Variants in OPRM1 observed in about 807,000 individuals in gnomAD.
OPRM1 encodes the protein opioid receptor mu 1, also known as mu-type opioid receptor.
In OPRM1, 27 loss-of-function variants were observed where a neutral mutation model predicts 31.8. The observed-to-expected ratio is 0.85, with a 90% confidence interval of 0.63 to 1.17. OPRM1 has a LOEUF of 1.17. Among genes scored for constraint, OPRM1 ranks in the 50% most tolerant of loss-of-function variants. OPRM1 has a pLI of 0.00. For missense variants in OPRM1, 536 were observed against 511.1 expected (o/e 1.05, Z -0.47); for synonymous variants, 196 against 189.9 (o/e 1.03, Z -0.26).
Position 154,168,075 on chromosome 6 carries a change from G to A in OPRM1, c.1164+76603G>A, listed in dbSNP as rs780778135. Reference sequence around the variant, plus strand: ...CTAGCTTGCTCTAATGATTTGTACAGCTTCTCCATTTCATCATCTTCAGAC... The same window carrying A: ...CTAGCTTGCTCTAATGATTTGTACAACTTCTCCATTTCATCATCTTCAGAC... On this transcript the variant is annotated intron_variant, in intron 3 of 3. Coordinates refer to the OPRM1 transcript ENST00000337049. This position sits in a 1 kb window ranked among gnomAD's most constrained non-coding sequence, Gnocchi z 4.1. The A allele has an allele frequency of 3.2e-6, 5 of 1,573,612 alleles. No individual in the cohort carries two copies. Among genetic ancestry groups the A allele is most frequent in the Non-Finnish European group, 4.3e-6 (5 of 1,153,218 alleles).
rs754712053 is a variant in OPRM1 at position 154,091,310 on chromosome 6, C to A, written c.1002C>A (p.Asn334Lys). Residue 334 changes from asparagine to lysine, a missense_variant, in exon 3 of 4, where the codon AAC (asparagine) becomes AAA (lysine). Coordinates refer to ENST00000330432, the MANE Select transcript of OPRM1 (RefSeq NM_000914.5). ...TAGGTTACACAAACAGCTGCCTCAA[C>A]CCAGTCCTTTATGCATTTCTGGATG... Reference protein sequence around the residue: ...IALGYTNSCLNPVLYAFLDEN... With the variant: ...IALGYTNSCLKPVLYAFLDEN... 4 of 1,614,196 alleles carry A rather than the reference C, an allele frequency of 2.5e-6. No individual in the cohort carries two copies. Among genetic ancestry groups the A allele is most frequent in the Non-Finnish European group, 3.4e-6 (4 of 1,180,032 alleles).
intron 1 of OPRM1, among the ~76,000 whole-genome samples, chr6:154,088,710 A>G (rs1291616394): frequency 5.3e-5 from 8 of 152,206 alleles, no homozygotes; most frequent in Non-Finnish European, 8.8e-5. Flanking sequence ...TTCCACCTCA[A>G]TAAAGCATTA....
At chr6:154,240,487 G>C (rs757716531) in intron 3 of OPRM1, among the ~76,000 whole-genome samples, 1 of 151,252 alleles carries the variant, frequency 6.6e-6, no homozygotes, top group East Asian at 1.9e-4. Context: ...CACTTTCCCA[G>C]GGAAAATTAA....
In OPRM1 at chr6:154,042,752, A is replaced by G. The variant is rs944122704; in HGVS notation, c.290+2918A>G. 1.1e-4 allele frequency among the ~76,000 whole-genome samples: 17 copies of G among 152,362 alleles called. No homozygotes were observed. In the East Asian group the frequency reaches 2.7e-3, roughly 24 times the overall value. Reference sequence around the variant, plus strand: ...AGATTTTAAGTCCAGATGTTAAGTGATAAAAATGTTATCAGTAACCATCAC... The same window carrying G: ...AGATTTTAAGTCCAGATGTTAAGTGGTAAAAATGTTATCAGTAACCATCAC... On this transcript the variant is annotated intron_variant, in intron 1 of 3. Coordinates refer to ENST00000330432, the MANE Select transcript of OPRM1 (RefSeq NM_000914.5).
chr6:154,033,252 G>T (rs1779109076), intron 1 of OPRM1, among the ~76,000 whole-genome samples: 1 of 152,120 alleles, frequency 6.6e-6, no homozygotes, highest in Non-Finnish European at 1.5e-5. Context: ...AGTCCCTAAA[G>T]TCCTTGGAAA....
chr6:154,152,386 AAGAAAG>A (rs1798558879), intron 3 of OPRM1, among the ~76,000 whole-genome samples: 2 of 84,818 alleles, frequency 2.4e-5, no homozygotes, highest in African/African-American at 9.1e-5. Flanking sequence ...GAAAGAAAGA[AAGAAAG>A]AGAAATAGTG....
chr6:154,220,661 T>G lies in OPRM1; in HGVS notation c.1165-26032T>G, dbSNP rs73567173. 4.0e-3 allele frequency among the ~76,000 whole-genome samples: 607 copies of G among 152,130 alleles called. 5 individuals are homozygous for G. The highest frequency in any genetic ancestry group is 0.014 in the African/African-American group (576 of 41,500). ...TCTCAAAAATAAATAAATAAATAAA[T>G]AACAGCTATTGTGATCACACCTGAC... On this transcript the variant is annotated intron_variant, in intron 3 of 3. Coordinates refer to the OPRM1 transcript ENST00000337049.
chr6:154,187,256 G>A (rs747705342), intron 3 of OPRM1, among the ~76,000 whole-genome samples: 2 of 151,962 alleles, frequency 1.3e-5, no homozygotes, highest in African/African-American at 2.4e-5. Flanking sequence ...CCCCACCTCT[G>A]TCCAGTCTCT....
intron 3 of OPRM1, among the ~76,000 whole-genome samples, chr6:154,206,435 CT>C (rs1777501907): frequency 6.6e-6 from 1 of 152,240 alleles, no homozygotes; most frequent in African/African-American, 2.4e-5. Flanking sequence ...ACCCATCCAT[CT>C]GTCCATTAAA....
intron 3 of OPRM1, among the ~76,000 whole-genome samples, chr6:154,244,301 G>GTGT (rs1554298352): frequency 5.1e-4 from 75 of 148,056 alleles, no homozygotes; most frequent in East Asian, 1.2e-3. Context: ...TGTGTGGGTG[G>GTGT]GTGTGTGTGT....
At chr6:154,246,834 T>C in exon 4 of OPRM1, 3 of 1,456,456 alleles carry the variant, frequency 2.1e-6, no homozygotes, top group Non-Finnish European at 2.7e-6. Flanking sequence ...CTGATTTATG[T>C]GACAGAGTGA....
At chr6:154,217,996 C>G (rs1778548725) in intron 3 of OPRM1, among the ~76,000 whole-genome samples, 1 of 152,310 alleles carries the variant, frequency 6.6e-6, no homozygotes, top group South Asian at 2.1e-4. Flanking sequence ...CCATTAGTTA[C>G]TTGCTGTGAA....
At chr6:154,221,220 C>T (rs371978965) in intron 3 of OPRM1, 6 of 1,486,488 alleles carry the variant, frequency 4.0e-6, no homozygotes, top group Non-Finnish European at 5.6e-6. Flanking sequence ...AAGTATATTC[C>T]CATTAAGGAT....
At chr6:154,220,961 C>G (rs1224374349) in intron 3 of OPRM1, among the ~76,000 whole-genome samples, 1 of 152,212 alleles carries the variant, frequency 6.6e-6, no homozygotes, top group Non-Finnish European at 1.5e-5. Context: ...ACTTTCAAGC[C>G]TCTCTCCTTG....
intron 3 of OPRM1, among the ~76,000 whole-genome samples, chr6:154,236,471 ATGCTGACGGT>A (rs1780142455): frequency 6.6e-6 from 1 of 152,194 alleles, no homozygotes; most frequent in Non-Finnish European, 1.5e-5. Flanking sequence ...GAGATGGATG[ATGCTGACGGT>A]TGCACAGTAA....
intron 3 of OPRM1, among the ~76,000 whole-genome samples, chr6:154,170,979 T>A (rs1799823694): frequency 6.6e-6 from 1 of 152,204 alleles, no homozygotes; most frequent in African/African-American, 2.4e-5. Flanking sequence ...CACTAGATTC[T>A]CCTGCCTCAG....
At chr6:154,109,767 CCTCT>C (rs60360261) in intron 3 of OPRM1, among the ~76,000 whole-genome samples, 14,206 of 127,090 alleles carry the variant, frequency 0.11, 988 homozygotes, top group South Asian at 0.31. Context: ...ACTCTCTCTC[CCTCT>C]CTCTCTCTCT....
chr6:154,136,117 G>T (rs748400548), downstream of OPRM1, among the ~76,000 whole-genome samples: 2 of 152,166 alleles, frequency 1.3e-5, no homozygotes, highest in Admixed American at 6.5e-5. Context: ...AGTCCTGGGT[G>T]ATCACAGGGA....
chr6:154,019,774 G>T (rs1189582055), intron 1 of OPRM1, among the ~76,000 whole-genome samples: 2 of 130,224 alleles, frequency 1.5e-5, no homozygotes, highest in Admixed American at 7.2e-5. Context: ...TTGAGACAGG[G>T]TCTCGCTCTG....
Sources: gnomAD v4.1 joint callset for allele counts (sites outside exome capture counted in the v4.1 genomes callset) on GRCh38, gnomAD v4.1.1 for gene constraint, Gnocchi (gnomAD v3.1) non-coding constraint, MANE v1.5 for transcripts, NCBI Gene and HGNC (gene_info 2026-07-23, HGNC 2026-07-21) for gene names.